MAGI1: variants seen among roughly 807,000 people sequenced by gnomAD.
MAGI1 encodes membrane associated guanylate kinase, WW and PDZ domain containing 1, also known as membrane-associated guanylate kinase, WW and PDZ domain-containing protein 1.
In MAGI1, 58 loss-of-function variants were observed where a neutral mutation model predicts 139.9. The ratio of observed to expected loss-of-function variants is 0.41; its 90% CI spans 0.34 to 0.52. MAGI1 has a LOEUF of 0.52. Among genes scored for constraint, MAGI1 ranks in the 20% least tolerant of loss-of-function variants. The probability of loss-of-function intolerance (pLI) is 0.12; values close to 1 mark genes in which losing one functional copy is unlikely to be tolerated. For missense variants in MAGI1, 1,874 were observed against 1,901.6 expected (o/e 0.99, Z 0.27); for synonymous variants, 812 against 737.9 (o/e 1.10, Z -1.63).
At chr3:65,964,395 T>G (rs1020605867) in intron 1 of MAGI1, among the ~76,000 whole-genome samples, 2 of 152,158 alleles carry the variant, frequency 1.3e-5, no homozygotes, top group African/African-American at 4.8e-5. Context: ...AAACAGGGAC[T>G]TATATCTGTG....
intron 2 of MAGI1, among the ~76,000 whole-genome samples, chr3:65,576,595 C>T (rs1472676147): frequency 6.6e-6 from 1 of 152,156 alleles, no homozygotes; most frequent in East Asian, 1.9e-4. Context: ...TATCTTGTTG[C>T]TTTGCTTAAA....
intron 1 of MAGI1, among the ~76,000 whole-genome samples, chr3:65,949,257 A>G (rs1473524315): frequency 1.3e-5 from 2 of 152,232 alleles, no homozygotes; most frequent in African/African-American, 2.4e-5. Context: ...CCTATATTCT[A>G]GAATAATGCT....
chr3:65,375,708 AAGAGAGAG>A, intron 18 of MAGI1, 29 bp downstream of exon 18: 1 of 1,375,440 alleles, frequency 7.3e-7, no homozygotes. Context: ...GAGAGAGAAA[AAGAGAGAG>A]AGAGAGAGAG....
At chr3:65,659,032 G>A (rs372249357) in intron 1 of MAGI1, among the ~76,000 whole-genome samples, 7 of 152,234 alleles carry the variant, frequency 4.6e-5, no homozygotes, top group African/African-American at 1.7e-4. Context: ...ACAACAGCCA[G>A]GTAAGTCCTA....
intron 5 of MAGI1, among the ~76,000 whole-genome samples, chr3:65,466,399 G>T (rs74491877): frequency 0.014 from 2,124 of 152,248 alleles, 52 homozygotes; most frequent in African/African-American, 0.048. Flanking sequence ...AAAGAGGAAA[G>T]GGGGCTATCT....
At chr3:65,540,294 T>C (rs896754229) in intron 2 of MAGI1, among the ~76,000 whole-genome samples, 1 of 152,214 alleles carries the variant, frequency 6.6e-6, no homozygotes, top group Admixed American at 6.5e-5. Flanking sequence ...AACCCCTTTA[T>C]TCTCTATCCC....
intron 1 of MAGI1, chr3:65,873,209 TA>T (rs967034025): frequency 1.3e-5 from 2 of 152,204 alleles, no homozygotes; most frequent in African/African-American, 4.8e-5. Context: ...AGACCTCAGA[TA>T]ACCTCATGTA....
At chr3:65,738,059 C>T (rs2034929002) in intron 1 of MAGI1, among the ~76,000 whole-genome samples, 1 of 152,210 alleles carries the variant, frequency 6.6e-6, no homozygotes, top group Non-Finnish European at 1.5e-5. Flanking sequence ...TAGGCCACAT[C>T]TCACTGCAGG....
At chr3:65,559,324 T>C (rs1220582816) in intron 2 of MAGI1, among the ~76,000 whole-genome samples, 1 of 152,198 alleles carries the variant, frequency 6.6e-6, no homozygotes, top group Non-Finnish European at 1.5e-5. Context: ...TCATGGGTCA[T>C]GAAGAAGAAG....
At chr3:65,979,090 C>CCCCA (rs1553742250) in intron 1 of MAGI1, among the ~76,000 whole-genome samples, 14 of 48,134 alleles carry the variant, frequency 2.9e-4, no homozygotes, top group Admixed American at 9.1e-4. Context: ...TCTTTTCTTC[C>CCCCA]CCCCCCCCGC....
intron 1 of MAGI1, among the ~76,000 whole-genome samples, chr3:65,845,580 A>G (rs929156490): frequency 6.6e-6 from 1 of 152,166 alleles, no homozygotes; most frequent in Non-Finnish European, 1.5e-5. Context: ...TAAATTAACC[A>G]ATTTTAGTTT....
At chr3:65,948,728 T>G (rs2063658453) in intron 1 of MAGI1, among the ~76,000 whole-genome samples, 1 of 152,228 alleles carries the variant, frequency 6.6e-6, no homozygotes, top group African/African-American at 2.4e-5. Context: ...TACATCTATC[T>G]TTGACCCACA....
At chr3:65,541,709 A>G (rs1413978942) in intron 2 of MAGI1, among the ~76,000 whole-genome samples, 4 of 152,352 alleles carry the variant, frequency 2.6e-5, no homozygotes, top group African/African-American at 9.6e-5. Context: ...GACCTTTGAT[A>G]AAATTCTACA....
chr3:65,381,765 C>T lies in MAGI1; in HGVS notation c.2701+112G>A, dbSNP rs897443485. 5 of 988,688 alleles carry T rather than the reference C, an allele frequency of 5.1e-6. No individual in the cohort carries two copies. In the Admixed American group the frequency reaches 1.2e-4, roughly 25 times the overall value. The allele number at this position is 988,688 out of a possible 1,614,324, so 61.2% of individuals were successfully genotyped here. ...CATCTGGAAATTCTGAGCTTGATCA[C>T]ATTTGCAAACATTTGCTAAAATAGA... is the stretch of plus-strand genomic sequence containing the variant. On this transcript the variant is annotated intron_variant, in intron 16 of 22. Transcript: ENST00000402939.
chr3:65,984,465 CCT>C (rs1479216229), intron 1 of MAGI1, among the ~76,000 whole-genome samples: 2 of 151,180 alleles, frequency 1.3e-5, no homozygotes, highest in South Asian at 2.1e-4. Context: ...TCATATTTCC[CCT>C]CTCCTTCTTT....
chr3:65,470,488 C>T lies in MAGI1; in HGVS notation c.758-4G>A. On this transcript the variant is annotated splice_region_variant and splice_polypyrimidine_tract_variant and intron_variant, in intron 4 of 22. Transcript: ENST00000402939. ...TCCTCTTGTTCACCAGAATCGGCTG[C>T]TTAATCATGTGAAGAGGTGAGAGAG... is the stretch of plus-strand genomic sequence containing the variant. 6.3e-7 allele frequency: 1 copy of T among 1,596,074 alleles called. No individual in the cohort carries two copies. Among genetic ancestry groups the T allele is most frequent in the Non-Finnish European group, 8.6e-7 (1 of 1,168,272 alleles).
intron 2 of MAGI1, among the ~76,000 whole-genome samples, chr3:65,528,604 G>A (rs1349942367): frequency 6.6e-6 from 1 of 152,188 alleles, no homozygotes; most frequent in East Asian, 1.9e-4. Context: ...GGGCTGTTGT[G>A]ATCATTTCAA....
chr3:65,447,632 A>G (rs946978684), intron 7 of MAGI1, among the ~76,000 whole-genome samples: 4 of 152,100 alleles, frequency 2.6e-5, no homozygotes, highest in African/African-American at 9.7e-5. Context: ...GCTTTTTTGT[A>G]TTACCCAAAT....
rs1363135484 is a variant in MAGI1 at position 65,493,507 on chromosome 3, C to G, written c.550+5G>C. ...GCTTTTTATGCTGTCGTACAAGTAACTCACCTTCATAGGTGCCGACTTCCA... is the reference window on the plus strand; with the variant it reads ...GCTTTTTATGCTGTCGTACAAGTAAGTCACCTTCATAGGTGCCGACTTCCA... On this transcript the variant is annotated splice_donor_5th_base_variant and intron_variant, in intron 3 of 22. Transcript: ENST00000402939. 6.2e-7 allele frequency: 1 copy of G among 1,614,170 alleles called. No individual in the cohort carries two copies.
Sources: gnomAD v4.1 joint callset for allele counts (sites outside exome capture counted in the v4.1 genomes callset) on GRCh38, gnomAD v4.1.1 for gene constraint, MANE v1.5 for transcripts, NCBI Gene and HGNC (gene_info 2026-07-23, HGNC 2026-07-21) for gene names.